Variants in PPFIA1 observed in about 807,000 individuals in gnomAD.
The protein encoded by PPFIA1 is PPFI scaffold protein A1.
Under a neutral mutation model 149.9 loss-of-function variants are expected in PPFIA1, and 25 were observed. That is an observed-to-expected ratio of 0.17 (90% confidence interval 0.12 to 0.23). The LOEUF (loss-of-function observed/expected upper bound fraction) is 0.23, where lower values mean the gene tolerates loss of function less well. Ranked by LOEUF, PPFIA1 falls within the 10% of genes least tolerant of loss-of-function variation. PPFIA1 has a pLI of 1.00. For synonymous variants in PPFIA1, 549 were observed against 552.8 expected (o/e 0.99, Z 0.10); for missense variants, 1,362 against 1,506.5 (o/e 0.90, Z 1.59).
intron 14 of PPFIA1, among the ~76,000 whole-genome samples, chr11:70,343,050 C>T (rs924121294): frequency 2.1e-5 from 3 of 145,486 alleles, no homozygotes; most frequent in African/African-American, 5.1e-5. Flanking sequence ...CAGGTTCAAG[C>T]AATTCTCCTG....
chr11:70,326,840 A>G (rs1478350084), intron 7 of PPFIA1, 22 bp downstream of exon 7: 3 of 1,584,758 alleles, frequency 1.9e-6, no homozygotes, highest in Non-Finnish European at 2.6e-6. Flanking sequence ...CAAAAACTAC[A>G]GTCTTGTCAT....
At chr11:70,344,002 A>G (rs2055520574) in intron 15 of PPFIA1, 110 bp downstream of exon 15, 1 of 965,114 alleles carries the variant, frequency 1.0e-6, no homozygotes, top group Admixed American at 2.4e-5. Context: ...TAAGTATTAC[A>G]TAATAATAGA....
chr11:70,371,492 TCTG>T, intron 21 of PPFIA1: 1 of 163,146 alleles, frequency 6.1e-6, no homozygotes, highest in South Asian at 2.0e-4. Context: ...TGTTCTATCT[TCTG>T]TTGTTGGGTG....
At chr11:70,305,399 A>G (rs911655056) in intron 2 of PPFIA1, among the ~76,000 whole-genome samples, 1 of 151,880 alleles carries the variant, frequency 6.6e-6, no homozygotes, top group Non-Finnish European at 1.5e-5. Flanking sequence ...TTTTTGAGAC[A>G]AGGTCTCACT....
At chr11:70,293,895 T>C (rs2051705187) in intron 2 of PPFIA1, among the ~76,000 whole-genome samples, 1 of 151,718 alleles carries the variant, frequency 6.6e-6, no homozygotes, top group African/African-American at 2.4e-5. Flanking sequence ...TTCAGCTCTC[T>C]GATTCTTTAA....
At chr11:70,381,707 T>C (rs1156466111) in intron 26 of PPFIA1, among the ~76,000 whole-genome samples, 1 of 152,222 alleles carries the variant, frequency 6.6e-6, no homozygotes, top group African/African-American at 2.4e-5. Flanking sequence ...ATACCAGTGT[T>C]AGAGATGGAG....
Position 70,333,551 on chromosome 11 carries a change from C to T in PPFIA1, c.1294C>T (p.Arg432Trp). The change falls in exon 10 of 28, where the codon CGG becomes TGG. Residue 432 changes from arginine (R) to tryptophan (W), a missense_variant and splice_region_variant. Coordinates refer to ENST00000253925, the MANE Select transcript of PPFIA1 (RefSeq NM_003626.5). ...GGAGGAGAAGAATCAAGAACTGCAGCGGGTGAGCATGCAGCCCTGAGGGTG... is the reference window on the plus strand; with the variant it reads ...GGAGGAGAAGAATCAAGAACTGCAGTGGGTGAGCATGCAGCCCTGAGGGTG... ...QLEEKNQELQ[R>W]ARQREKMNEE... The T allele has an allele frequency of 3.1e-6, 5 of 1,610,102 alleles. No individual in the cohort carries two copies. Among genetic ancestry groups the T allele is most frequent in the South Asian group, 1.1e-5 (1 of 90,238 alleles).
chr11:70,301,019 G>T (rs1344854141), intron 2 of PPFIA1, among the ~76,000 whole-genome samples: 1 of 152,144 alleles, frequency 6.6e-6, no homozygotes, highest in Non-Finnish European at 1.5e-5. Context: ...ACTAACTGCT[G>T]CAATGGCAGT....
At position 70,382,081 on chromosome 11, in the gene PPFIA1, G is replaced by C; in HGVS notation, c.3551-7G>C. Reference sequence around the variant, plus strand: ...TTGCACGCTTCCTCTCGTGGCTGTTGAAACAGGCAATGTATCAGGAACACA... The same window carrying C: ...TTGCACGCTTCCTCTCGTGGCTGTTCAAACAGGCAATGTATCAGGAACACA... On this transcript the variant is annotated splice_region_variant and splice_polypyrimidine_tract_variant and intron_variant, in intron 26 of 27. Coordinates refer to ENST00000253925, the MANE Select transcript of PPFIA1 (RefSeq NM_003626.5). 1.2e-6 allele frequency: 2 copies of C among 1,613,910 alleles called. No individual in the cohort carries two copies. Among genetic ancestry groups the C allele is most frequent in the Non-Finnish European group, 1.7e-6 (2 of 1,179,910 alleles).
rs747862011 is a variant in PPFIA1, at chr11:70,378,077, T to C, written c.3432T>C (p.Phe1144=). ...FRRAPSWRKK[F]RPKDIRGLAA... ...GAGCACCTTCATGGAGAAAAAAGTT[T>C]AGACCAAAGGACATTCGTGGCTTAG... The change falls in exon 26 of 28, where the codon TTT becomes TTC. Residue 1144 remains phenylalanine (F), a synonymous_variant. Coordinates refer to ENST00000253925, the MANE Select transcript of PPFIA1 (RefSeq NM_003626.5). 5.6e-6 allele frequency: 9 copies of C among 1,614,122 alleles called. No individual in the cohort carries two copies. Among genetic ancestry groups the C allele is most frequent in the Admixed American group, 1.7e-5 (1 of 60,012 alleles).
chr11:70,331,967 A>G lies in PPFIA1; in HGVS notation c.1085A>G (p.Asp362Gly), dbSNP rs143350650. Residue 362 changes from aspartate to glycine, a missense_variant, in exon 9 of 28, where the codon GAT (aspartate) becomes GGT (glycine). Coordinates refer to ENST00000253925, the MANE Select transcript of PPFIA1 (RefSeq NM_003626.5). Reference protein sequence around the residue: ...NKDSMHRQTEDKNRQLQERLE... With the variant: ...NKDSMHRQTEGKNRQLQERLE... ...TTTGCTCTCATTTTATAGACTGAAG[A>G]TAAAAACCGCCAGTTACAGGAGCGC... The G allele has an allele frequency of 1.3e-4, 217 of 1,609,570 alleles. No individual in the cohort carries two copies. The African/African-American group carries it at 2.3e-3, about 17-fold the overall frequency.
At chr11:70,374,660 AAAT>A (rs2057409206) in intron 23 of PPFIA1, 4 of 399,176 alleles carry the variant, frequency 1.0e-5, no homozygotes, top group Middle Eastern at 6.3e-4. Context: ...TTTTCTCTAG[AAAT>A]AATAACTTCA....
chr11:70,297,167 G>C (rs1485056889), intron 2 of PPFIA1, among the ~76,000 whole-genome samples: 1 of 152,144 alleles, frequency 6.6e-6, no homozygotes, highest in Non-Finnish European at 1.5e-5. Context: ...CCAGCACTTT[G>C]GGAGGCTGAG....
Position 70,378,028 on chromosome 11 carries a change from A to T in PPFIA1, c.3385-2A>T. On this transcript the variant is annotated splice_acceptor_variant, in intron 25 of 27. Transcript: ENST00000253925. LOFTEE classifies it high-confidence loss of function. ...CTTGTTTTTTGTTCCTTAATTTACC[A>T]GGATGATGATAAAAGCTTTAGGAGA... 1 of 1,589,228 alleles carries T rather than the reference A, an allele frequency of 6.3e-7. No homozygotes were observed. Among genetic ancestry groups the T allele is most frequent in the Non-Finnish European group, 8.6e-7 (1 of 1,165,038 alleles).
At chr11:70,285,187 C>T (rs1363305737) in intron 2 of PPFIA1, among the ~76,000 whole-genome samples, 6 of 151,638 alleles carry the variant, frequency 4.0e-5, no homozygotes, top group Admixed American at 2.0e-4. Flanking sequence ...TTAGTAGAGA[C>T]GGGAGTTTCA....
chr11:70,339,160 T>G lies in PPFIA1; in HGVS notation c.1572-11T>G. 1 of 1,612,458 alleles carries G rather than the reference T, an allele frequency of 6.2e-7. No homozygotes were observed. Among genetic ancestry groups the G allele is most frequent in the Non-Finnish European group, 8.5e-7 (1 of 1,179,768 alleles). Reference sequence around the variant, plus strand: ...TTCTAATAATGATCATTCTTATTTTTCATGTTTCAGCCGACCCCACTTGGG... The same window carrying G: ...TTCTAATAATGATCATTCTTATTTTGCATGTTTCAGCCGACCCCACTTGGG... On this transcript the variant is annotated splice_polypyrimidine_tract_variant and intron_variant, in intron 13 of 27. Transcript: ENST00000253925.
rs374543742 is a variant in PPFIA1, at chr11:70,339,320, G to A, written c.1707+14G>A. The A allele has an allele frequency of 6.2e-7, 1 of 1,608,856 alleles. No homozygotes were observed. The highest frequency in any genetic ancestry group is 1.1e-5 in the South Asian group (1 of 90,852). ...GAGCCTTCCAAGGCAAGGTCTTTGT[G>A]TGAAATACCTCTGCTTACGTGAAAG... On this transcript the variant is annotated intron_variant, in intron 14 of 27. Coordinates refer to ENST00000253925, the MANE Select transcript of PPFIA1 (RefSeq NM_003626.5).
At chr11:70,362,204 C>G in intron 20 of PPFIA1, 28 bp downstream of exon 20, 1 of 1,612,822 alleles carries the variant, frequency 6.2e-7, no homozygotes, top group Non-Finnish European at 8.5e-7. Flanking sequence ...CATGCAGTTG[C>G]GTGGGTTACA....
chr11:70,279,205 G>A (rs1318550003), intron 2 of PPFIA1: 5 of 396,070 alleles, frequency 1.3e-5, no homozygotes, highest in African/African-American at 8.5e-5. Flanking sequence ...CAGTGAATAC[G>A]GCCCACCAGG....
Sources: allele counts gnomAD v4.1 joint callset (sites outside exome capture counted in the v4.1 genomes callset), GRCh38; gene constraint gnomAD v4.1.1; transcripts MANE v1.5; gene names NCBI Gene and HGNC (gene_info 2026-07-23, HGNC 2026-07-21).